The following TMEM45B variants were observed in gnomAD, a reference collection of about 807,000 sequenced individuals.
TMEM45B encodes transmembrane protein 45B.
In TMEM45B, 29 loss-of-function variants were observed where a neutral mutation model predicts 27.3. The ratio of observed to expected loss-of-function variants is 1.06; its 90% confidence interval spans 0.79 to 1.45. The LOEUF (loss-of-function observed/expected upper bound fraction) is 1.45. Among genes scored for constraint, TMEM45B ranks in the 40% most tolerant of loss-of-function variants. The probability of loss-of-function intolerance (pLI) is 0.00; values close to 1 mark genes in which losing one functional copy is unlikely to be tolerated. For synonymous variants in TMEM45B, 143 were observed against 134.7 expected (o/e 1.06, Z -0.43); for missense variants, 348 against 343.9 (o/e 1.01, Z -0.09).
rs1033657731 is a variant in TMEM45B at position 129,858,979 on chromosome 11, A to G, written c.*294A>G. 21 of 170,858 alleles carry G rather than the reference A, an allele frequency of 1.2e-4. No homozygotes were observed. Among genetic ancestry groups the G allele is most frequent in the African/African-American group, 5.0e-4 (21 of 42,362 alleles). The allele number at this position is 170,858 out of a possible 1,614,324, so 10.6% of individuals were successfully genotyped here. A position where few individuals can be genotyped will look rare whatever the true frequency, so the allele number is the denominator to read the frequency against. ...GCCTTTGTGCCTCAGTGTCAAGAGA[A>G]ATCAAGAGATGCTAAAAGCTTTACA... On this transcript the variant is annotated 3_prime_UTR_variant, in exon 6 of 6. Coordinates refer to ENST00000281441, the MANE Select transcript of TMEM45B (RefSeq NM_138788.5).
At chr11:129,821,915 C>A (rs1309618830) in intron 1 of TMEM45B, among the ~76,000 whole-genome samples, 1 of 152,010 alleles carries the variant, frequency 6.6e-6, no homozygotes, top group Non-Finnish European at 1.5e-5. Flanking sequence ...ATTTTCTAGG[C>A]CTTTTCAATC....
intron 1 of TMEM45B, among the ~76,000 whole-genome samples, chr11:129,833,740 A>C (rs1947582883): frequency 6.6e-6 from 1 of 152,170 alleles, no homozygotes; most frequent in Admixed American, 6.5e-5. Context: ...GTGCCACTGC[A>C]CTCCAGCCTG....
At chr11:129,841,523 CA>C (rs1216101035) in intron 1 of TMEM45B, among the ~76,000 whole-genome samples, 2 of 139,920 alleles carry the variant, frequency 1.4e-5, no homozygotes, top group African/African-American at 4.9e-5. Context: ...TGGCCTTCTC[CA>C]ACCCCCACAC....
intron 1 of TMEM45B, among the ~76,000 whole-genome samples, chr11:129,850,045 C>T (rs373345161): frequency 1.3e-5 from 2 of 152,206 alleles, no homozygotes; most frequent in South Asian, 2.1e-4. Flanking sequence ...CCTACACACA[C>T]GTTTTTCTCT....
chr11:129,830,328 A>C (rs1947533330), intron 1 of TMEM45B, among the ~76,000 whole-genome samples: 1 of 152,232 alleles, frequency 6.6e-6, no homozygotes, highest in Non-Finnish European at 1.5e-5. Context: ...ATTCAGTCTC[A>C]AAAAATAAAT....
Position 129,849,544 on chromosome 11 carries a change from G to C in TMEM45B, c.-8-2931G>C, listed in dbSNP as rs145147598. On this transcript the variant is annotated intron_variant, in intron 1 of 5. Coordinates refer to ENST00000281441, the MANE Select transcript of TMEM45B (RefSeq NM_138788.5). ...CCACCCCGGTGACAAATCTCTGCTC[G>C]GGCCCTGAGGTCAAAGAAATCCTTT... Among the ~76,000 whole-genome samples the C allele has an allele frequency of 5.8e-3, 881 of 152,286 alleles. 2 individuals are homozygous for C. The highest frequency in any genetic ancestry group is 9.7e-3 in the Non-Finnish European group (661 of 68,026).
At chr11:129,849,433 T>C (rs560922958) in intron 1 of TMEM45B, among the ~76,000 whole-genome samples, 2 of 152,204 alleles carry the variant, frequency 1.3e-5, no homozygotes, top group South Asian at 4.2e-4. Flanking sequence ...CACACTGGGG[T>C]GGGTGTTGGG....
chr11:129,847,406 T>TATTTTTTTTTA (rs1313226780), intron 1 of TMEM45B, among the ~76,000 whole-genome samples: 36 of 148,190 alleles, frequency 2.4e-4, no homozygotes, highest in African/African-American at 8.7e-4. Context: ...CTTATGAAGT[T>TATTTTTTTTTA]ATTTTTTTTT....
At position 129,859,948 on chromosome 11, in the gene TMEM45B, T is replaced by G. The variant is rs1248856901; in HGVS notation, c.*1263T>G. 2 of 152,600 alleles carry G rather than the reference T, an allele frequency of 1.3e-5. No homozygotes were observed. The highest frequency in any genetic ancestry group is 4.8e-5 in the African/African-American group (2 of 41,426). The allele number at this position is 152,600 out of a possible 1,614,324, so 9.5% of individuals were successfully genotyped here. A position where few individuals can be genotyped will look rare whatever the true frequency, so the allele number is the denominator to read the frequency against. ...AGTTTACAGTCAAACAGGAGAGACA[T>G]GCCTGTAGTTACATCCAGTGTGATG... On this transcript the variant is annotated 3_prime_UTR_variant, in exon 6 of 6. Transcript: ENST00000281441.
At chr11:129,841,598 T>TTG (rs1555071359) in intron 1 of TMEM45B, among the ~76,000 whole-genome samples, 22 of 145,848 alleles carry the variant, frequency 1.5e-4, no homozygotes, top group East Asian at 7.9e-4. Context: ...TTTTGTTTTT[T>TTG]TTTTTTTTTT....
rs987954091 is a variant in TMEM45B, at chr11:129,854,641, G to A, written c.210G>A (p.Gly70=). Residue 70 remains glycine (G), a synonymous_variant, in exon 3 of 6, where the codon GGG becomes GGA. Transcript: ENST00000281441. The stretch of plus-strand genomic sequence containing the variant: ...TGGCAGAGCAGTTTGTTCCGGATGG[G>A]CCCCACCTGCACCTCTACCATGAGA... ...GILAEQFVPD[G]PHLHLYHENH... is the part of the protein sequence containing the mutation. 2 of 1,614,050 alleles carry A rather than the reference G, an allele frequency of 1.2e-6. No homozygotes were observed. The highest frequency in any genetic ancestry group is 1.7e-5 in the Admixed American group (1 of 59,998).
intron 1 of TMEM45B, among the ~76,000 whole-genome samples, chr11:129,848,427 C>A (rs1485291905): frequency 2.0e-5 from 3 of 152,196 alleles, no homozygotes; most frequent in Non-Finnish European, 4.4e-5. Context: ...GCAGGAGAAT[C>A]AGGCAGGGAG....
At chr11:129,847,145 C>G (rs890480197) in intron 1 of TMEM45B, among the ~76,000 whole-genome samples, 1 of 152,198 alleles carries the variant, frequency 6.6e-6, no homozygotes, top group Non-Finnish European at 1.5e-5. Flanking sequence ...TGATGCCTGA[C>G]AATGATGGAT....
In TMEM45B at chr11:129,852,532, T is replaced by C. The variant is rs145128105; in HGVS notation, c.50T>C (p.Ile17Thr). 6.0e-3 allele frequency: 9,719 copies of C among 1,612,434 alleles called. 48 individuals are homozygous for C. The highest frequency in any genetic ancestry group is 0.015 in the African/African-American group (1,088 of 75,004). ...HALPGSFFLI[I>T]GLCWSVKYPL... ...CTTCCAGGGAGTTTCTTCCTGATCA[T>C]TGGGCTGTGTTGGTCAGTGAAGTAC... The change falls in exon 2 of 6, where the codon ATT becomes ACT. Residue 17 changes from isoleucine to threonine, a missense_variant. Coordinates refer to ENST00000281441, the MANE Select transcript of TMEM45B (RefSeq NM_138788.5).
rs1428319935 is a variant in TMEM45B at position 129,858,761 on chromosome 11, T to G, written c.*76T>G. On this transcript the variant is annotated 3_prime_UTR_variant, in exon 6 of 6. Coordinates refer to ENST00000281441, the MANE Select transcript of TMEM45B (RefSeq NM_138788.5). ...AGTTCATCCCCTCCACCTGAATGCC[T>G]GCTGTGGTCTGATCTTAAGGGTCTA... 3.7e-6 allele frequency: 4 copies of G among 1,083,574 alleles called. No homozygotes were observed. In the Admixed American group the frequency reaches 6.4e-5, roughly 17 times the overall value. The allele number at this position is 1,083,574 out of a possible 1,614,324, so 67.1% of individuals were successfully genotyped here.
At chr11:129,817,550 A>G (rs1346934587) in intron 1 of TMEM45B, among the ~76,000 whole-genome samples, 7 of 152,352 alleles carry the variant, frequency 4.6e-5, no homozygotes, top group Middle Eastern at 3.4e-3. Flanking sequence ...ACAGGAGCCA[A>G]GCATTCCATT....
At chr11:129,819,518 GTCTTT>G (rs141695072) in intron 1 of TMEM45B, among the ~76,000 whole-genome samples, 2,448 of 151,960 alleles carry the variant, frequency 0.016, 54 homozygotes, top group African/African-American at 0.052. Context: ...GTCTTGTCTT[GTCTTT>G]TCTTTTCTTT....
At chr11:129,854,558 T>C in intron 2 of TMEM45B, 52 bp from the exon 3 acceptor site, 1 of 1,573,942 alleles carries the variant, frequency 6.4e-7, no homozygotes. Context: ...TTGCTCCTAT[T>C]TGTCTTAGAG....
At chr11:129,832,086 A>G (rs1164292105) in intron 1 of TMEM45B, among the ~76,000 whole-genome samples, 1 of 129,464 alleles carries the variant, frequency 7.7e-6, no homozygotes, top group Non-Finnish European at 1.7e-5. Flanking sequence ...AAAAAAAAAA[A>G]GGATCCGGAC....
Sources: gnomAD v4.1 joint callset for allele counts (sites outside exome capture counted in the v4.1 genomes callset) on GRCh38, gnomAD v4.1.1 for gene constraint, MANE v1.5 for transcripts, NCBI Gene and HGNC (gene_info 2026-07-23, HGNC 2026-07-21) for gene names.